The following RANBP2 variants were observed in gnomAD, a reference collection of about 807,000 sequenced individuals.
RANBP2 encodes RAN binding protein 2, also known as E3 SUMO-protein ligase RanBP2.
RANBP2 carries 57 observed loss-of-function variants against 303.6 expected under a neutral mutation model. That is an observed-to-expected ratio of 0.19 (90% confidence interval 0.15 to 0.23). The LOEUF (loss-of-function observed/expected upper bound fraction) is 0.23, where lower values mean the gene tolerates loss of function less well. RANBP2 is among the 10% of genes least tolerant of loss of function. RANBP2 has a pLI of 1.00. For synonymous variants in RANBP2, 1,167 were observed against 1,301.5 expected (o/e 0.90, Z 2.23); for missense variants, 3,138 against 3,780.8 (o/e 0.83, Z 4.46).
chr2:109,419,587 G>T, the RANBP2 span: 1 of 1,597,710 alleles, frequency 6.3e-7, no homozygotes. Context: ...CCCACGGGCT[G>T]CCTCGGTGTC....
chr2:109,245,320 TC>T, the RANBP2 span, among the ~76,000 whole-genome samples: 1 of 152,044 alleles, frequency 6.6e-6, no homozygotes, highest in Non-Finnish European at 1.5e-5. Context: ...CTGTGGTCAT[TC>T]CCTCTGTCCC....
chr2:109,616,087 A>G, the RANBP2 span: 1 of 1,488,850 alleles, frequency 6.7e-7, no homozygotes, highest in Non-Finnish European at 8.9e-7. Context: ...CTTTTAGAAA[A>G]TGCAAAGGTT....
chr2:108,784,749 T>C lies in RANBP2; in HGVS notation c.*848T>C, dbSNP rs1209259716. 6.6e-6 allele frequency: 1 copy of C among 152,654 alleles called. No homozygotes were observed. Among genetic ancestry groups the C allele is most frequent in the Non-Finnish European group, 1.5e-5 (1 of 68,038 alleles). The allele number at this position is 152,654 out of a possible 1,614,324, so 9.5% of individuals were successfully genotyped here. On this transcript the variant is annotated 3_prime_UTR_variant, in exon 29 of 29. Coordinates refer to ENST00000283195, the MANE Select transcript of RANBP2 (RefSeq NM_006267.5). Reference sequence around the variant, plus strand: ...ATACAAGATTGTTGCAGTACCTTTTTCTGGTAAATTTTGTAGCAGAAATAA... The same window carrying C: ...ATACAAGATTGTTGCAGTACCTTTTCCTGGTAAATTTTGTAGCAGAAATAA...
the RANBP2 span, among the ~76,000 whole-genome samples, chr2:109,158,678 T>C: frequency 1.3e-5 from 2 of 152,194 alleles, no homozygotes; most frequent in South Asian, 4.1e-4. Flanking sequence ...GATAAGAGAT[T>C]TGAGGATTTC....
In RANBP2 at chr2:108,766,326, C is replaced by G; in HGVS notation, c.5787C>G (p.Gly1929=). Residue 1929 remains glycine, a synonymous_variant, in exon 20 of 29, where the codon GGC becomes GGG. Transcript: ENST00000283195. The stretch of plus-strand genomic sequence containing the variant: ...GCTTCCAGGCTCAGGATATTAGTGG[C>G]CAGAAGAATGGCCGTGGTGTGATTT... The part of the protein sequence containing the change: ...GTGFQAQDIS[G]QKNGRGVIFG... The G allele has an allele frequency of 6.2e-7, 1 of 1,611,892 alleles. No homozygotes were observed. The highest frequency in any genetic ancestry group is 8.5e-7 in the Non-Finnish European group (1 of 1,179,842).
At chr2:108,747,549 C>CCTTT (rs1696611010) in intron 8 of RANBP2, among the ~76,000 whole-genome samples, 2 of 152,202 alleles carry the variant, frequency 1.3e-5, no homozygotes, top group African/African-American at 4.8e-5. Context: ...GGGAGTTAGG[C>CCTTT]TTTCAGTCCT....
chr2:109,631,796 G>A, the RANBP2 span, among the ~76,000 whole-genome samples: 14 of 152,120 alleles, frequency 9.2e-5, no homozygotes, highest in South Asian at 2.9e-3. Flanking sequence ...TATCTCTGTT[G>A]TATAACAAAT....
chr2:109,483,740 G>C, the RANBP2 span, among the ~76,000 whole-genome samples: 2 of 152,150 alleles, frequency 1.3e-5, no homozygotes, highest in Non-Finnish European at 2.9e-5. Flanking sequence ...TGCCACATGA[G>C]GTCACAGTCC....
At chr2:109,724,432 C>T in the RANBP2 span, among the ~76,000 whole-genome samples, 1 of 152,162 alleles carries the variant, frequency 6.6e-6, no homozygotes, top group African/African-American at 2.4e-5. Context: ...TTTGTGTTCT[C>T]TCTGATTTCC....
the RANBP2 span, among the ~76,000 whole-genome samples, chr2:108,886,957 A>C: frequency 1.3e-5 from 2 of 152,038 alleles, no homozygotes; most frequent in African/African-American, 4.8e-5. Context: ...CTCAGTCATA[A>C]ATTCTTTCCC....
chr2:108,909,623 G>GT, the RANBP2 span, among the ~76,000 whole-genome samples: 15 of 152,338 alleles, frequency 9.8e-5, no homozygotes, highest in South Asian at 2.5e-3. Context: ...CTGGCAGGGG[G>GT]GTCCGAGCAC....
intron 6 of RANBP2, among the ~76,000 whole-genome samples, chr2:108,739,464 A>T (rs970258972): frequency 4.0e-5 from 6 of 151,502 alleles, no homozygotes; most frequent in Non-Finnish European, 7.4e-5. Flanking sequence ...TAAAATATAA[A>T]TTTTTTTTTG....
the RANBP2 span, among the ~76,000 whole-genome samples, chr2:109,115,148 G>A: frequency 2.4e-4 from 36 of 152,264 alleles, no homozygotes; most frequent in African/African-American, 6.3e-4. Flanking sequence ...TATTAGGTCC[G>A]CTTGGTGCAG....
the RANBP2 span, among the ~76,000 whole-genome samples, chr2:109,608,005 C>T: frequency 6.6e-6 from 1 of 152,216 alleles, no homozygotes; most frequent in East Asian, 1.9e-4. Context: ...GAAGCCGTGA[C>T]TCATTCAGAT....
the RANBP2 span, among the ~76,000 whole-genome samples, chr2:109,648,014 C>T: frequency 0.048 from 7,238 of 152,250 alleles, 349 homozygotes; most frequent in East Asian, 0.2. Context: ...AGAAAATAAA[C>T]AAGTGGGCCA....
chr2:109,074,439 C>A, the RANBP2 span, among the ~76,000 whole-genome samples: 2 of 150,760 alleles, frequency 1.3e-5, 1 homozygote, highest in Non-Finnish European at 3.0e-5. Context: ...GCGGCTTATG[C>A]CTGTAATCCC....
the RANBP2 span, among the ~76,000 whole-genome samples, chr2:109,245,022 G>T: frequency 6.6e-6 from 1 of 152,154 alleles, no homozygotes; most frequent in Non-Finnish European, 1.5e-5. Flanking sequence ...GTTGGATGGC[G>T]TCCCCTTTAA....
At chr2:109,183,504 C>T in the RANBP2 span, among the ~76,000 whole-genome samples, 1 of 152,104 alleles carries the variant, frequency 6.6e-6, no homozygotes, top group Non-Finnish European at 1.5e-5. Context: ...GTTTCAGTGG[C>T]CTTTTGAAGG....
the RANBP2 span, among the ~76,000 whole-genome samples, chr2:108,805,596 G>A: frequency 2.6e-5 from 4 of 151,982 alleles, no homozygotes; most frequent in South Asian, 4.2e-4. Flanking sequence ...GCGTGATGGC[G>A]GGCGCCTGTA....
Sources: allele counts gnomAD v4.1 joint callset (sites outside exome capture counted in the v4.1 genomes callset), GRCh38; gene constraint gnomAD v4.1.1; transcripts MANE v1.5; gene names NCBI Gene and HGNC (gene_info 2026-07-23, HGNC 2026-07-21).